The following TTN variants were observed in gnomAD, a reference collection of about 807,000 sequenced individuals.
TTN encodes connectin.
In TTN, 1,525 loss-of-function variants were observed where a neutral mutation model predicts 3,223.0. The ratio of observed to expected loss-of-function variants is 0.47; its 90% CI spans 0.45 to 0.49. The LOEUF is 0.49. TTN is among the 20% of genes least tolerant of loss of function. The pLI, the probability that TTN is intolerant of heterozygous loss-of-function variation, is 0.00. For synonymous variants in TTN, 14,094 were observed against 15,161.0 expected (o/e 0.93, Z 5.17); for missense variants, 40,786 against 43,424.0 (o/e 0.94, Z 5.40).
rs1428157842 is a variant in TTN, at chr2:178,576,764, C to G, written c.69480G>C (p.Trp23160Cys). The change falls in exon 325 of 363, where the codon TGG becomes TGC. Residue 23160 changes from tryptophan to cysteine, a missense_variant. Coordinates refer to ENST00000589042, the MANE Select transcript of TTN (RefSeq NM_001267550.2). This position sits in a 1 kb window ranked among gnomAD's most constrained non-coding sequence, Gnocchi z 4.3. ...NVTKNTATVS[W>C]KRPVDDGGSE... ...TGCCACCATCATCCACTGGCCTTTT[C>G]CAGCTGACAGTGGCAGTGTTCTTAG... The G allele has an allele frequency of 6.2e-7, 1 of 1,613,330 alleles. No individual in the cohort carries two copies. Among genetic ancestry groups the G allele is most frequent in the African/African-American group, 1.3e-5 (1 of 74,858 alleles).
chr2:178,603,914 C>T lies in TTN; in HGVS notation c.54773G>A (p.Ser18258Asn). 1 of 1,611,304 alleles carries T rather than the reference C, an allele frequency of 6.2e-7. No individual in the cohort carries two copies. The highest frequency in any genetic ancestry group is 8.5e-7 in the Non-Finnish European group (1 of 1,178,146). ...TGCAACCTCTGGATCTGATGGTTCACTGGGAGGACCAATTCCTGCAGCATT... is the reference window on the plus strand; with the variant it reads ...TGCAACCTCTGGATCTGATGGTTCATTGGGAGGACCAATTCCTGCAGCATT... ...AINAAGIGPP[S>N]EPSDPEVAGD... The change falls in exon 282 of 363, where the codon AGT becomes AAT. Residue 18258 changes from serine (S) to asparagine (N), a missense_variant. Coordinates refer to ENST00000589042, the MANE Select transcript of TTN (RefSeq NM_001267550.2).
chr2:178,706,789 G>T, intron 101 of TTN, 50 bp from the exon 102 acceptor site: 3 of 1,597,598 alleles, frequency 1.9e-6, no homozygotes, highest in Non-Finnish European at 2.6e-6. Flanking sequence ...TCTAAAATCA[G>T]TTCTTCCAAA....
At chr2:178,690,281 T>C (rs2072043129) in intron 121 of TTN, among the ~76,000 whole-genome samples, 1 of 152,228 alleles carries the variant, frequency 6.6e-6, no homozygotes, top group African/African-American at 2.4e-5. Context: ...TGGCTTTAGT[T>C]TATCTAAGAC....
intron 146 of TTN, 47 bp from the exon 147 acceptor site, chr2:178,677,334 T>TTATATATATATATA (rs1560296043): frequency 2.9e-6 from 1 of 341,566 alleles, no homozygotes; most frequent in Non-Finnish European, 3.6e-6. Flanking sequence ...ATATACATGG[T>TTATATATATATATA]CATATATATA....
chr2:178,571,501 A>G lies in TTN; in HGVS notation c.74631T>C (p.Cys24877=), dbSNP rs777382534. 3 of 1,613,308 alleles carry G rather than the reference A, an allele frequency of 1.9e-6. No individual in the cohort carries two copies. Among genetic ancestry groups the G allele is most frequent in the Non-Finnish European group, 8.5e-7 (1 of 1,179,580 alleles). The change falls in exon 326 of 363, where the codon TGT becomes TGC. Residue 24877 remains cysteine, a synonymous_variant. Transcript: ENST00000589042. ...CAGCTGCAATTCTAAACTGATATTC[A>G]CATCCAGTCTTCAGTCTGCAAGCCT... ...TIKACRLKTG[C]EYQFRIAAEN...
intron 1 of TTN, among the ~76,000 whole-genome samples, 181 bp downstream of exon 1, chr2:178,807,031 G>GA (rs1464070589): frequency 6.6e-6 from 1 of 152,054 alleles, no homozygotes; most frequent in Non-Finnish European, 1.5e-5. Flanking sequence ...ACTTTTTAAG[G>GA]AAAAATGTTC....
At chr2:178,806,224 T>C (rs899343459) in intron 1 of TTN, among the ~76,000 whole-genome samples, 2 of 152,220 alleles carry the variant, frequency 1.3e-5, no homozygotes, top group Non-Finnish European at 2.9e-5. Flanking sequence ...AACTCCTTTT[T>C]GTAGCATATT....
intron 32 of TTN, 37 bp downstream of exon 32, chr2:178,773,425 C>A: frequency 6.2e-7 from 1 of 1,613,888 alleles, no homozygotes. Context: ...AAGTAGAATG[C>A]TTAAAGTAAT....
intron 213 of TTN, 111 bp from the exon 214 acceptor site, chr2:178,647,575 A>G: frequency 9.8e-7 from 1 of 1,016,298 alleles, no homozygotes; most frequent in Middle Eastern, 2.2e-4. Flanking sequence ...TTTCATGGGG[A>G]AAATGGCTTC....
Position 178,715,572 on chromosome 2 carries a change from A to G in TTN, c.25842T>C (p.Val8614=). ...VAVLEMHNLS[V]EDSGDYTCEA... is the part of the protein sequence containing the mutation. ...CACAGGTGTAGTCTCCACTGTCTTC[A>G]ACACTGAGATTGTGCATTTCCAGCA... Residue 8614 remains valine (V), a synonymous_variant, in exon 89 of 363, where the codon GTT becomes GTC. Transcript: ENST00000589042. 1 of 1,613,554 alleles carries G rather than the reference A, an allele frequency of 6.2e-7. No individual in the cohort carries two copies. The highest frequency in any genetic ancestry group is 1.7e-5 in the Admixed American group (1 of 59,990).
rs199615557 is a variant in TTN, at chr2:178,608,347, G to C, written c.52536C>G (p.Asn17512Lys). ...TGTTGACACGAGACCAATGTGTACT[G>C]TTAACTTCACGTTTTTCAAGCCAGT... ...LGYWLEKREV[N>K]STHWSRVNKS... The change falls in exon 275 of 363, where the codon AAC becomes AAG. Residue 17512 changes from asparagine (N) to lysine (K), a missense_variant. By Grantham distance (94) the Asn-to-Lys change is moderately conservative. Coordinates refer to ENST00000589042, the MANE Select transcript of TTN (RefSeq NM_001267550.2). 840 of 1,612,176 alleles carry C rather than the reference G, an allele frequency of 5.2e-4. 1 individual carries two copies. Among genetic ancestry groups the C allele is most frequent in the Non-Finnish European group, 6.9e-4 (812 of 1,179,106 alleles).
At chr2:178,615,027 G>T in intron 259 of TTN, 59 bp from the exon 260 acceptor site, 1 of 1,434,160 alleles carries the variant, frequency 7.0e-7, no homozygotes, top group Non-Finnish European at 9.5e-7. Flanking sequence ...TCATTGTGTA[G>T]TACTCATAAT....
In TTN at chr2:178,636,050, C is replaced by A; in HGVS notation, c.41521G>T (p.Asp13841Tyr). 1 of 1,613,258 alleles carries A rather than the reference C, an allele frequency of 6.2e-7. No homozygotes were observed. The highest frequency in any genetic ancestry group is 8.5e-7 in the Non-Finnish European group (1 of 1,179,492). ...IGLMRALTIN[D>Y]ADDTDAGTYT... Reference sequence around the variant, plus strand: ...GTTCCAGCATCTGTGTCATCTGCATCGTTGATGGTCAGAGCCCGCATCAAG... The same window carrying A: ...GTTCCAGCATCTGTGTCATCTGCATAGTTGATGGTCAGAGCCCGCATCAAG... The change falls in exon 226 of 363, where the codon GAT (aspartate) becomes TAT (tyrosine). Residue 13841 changes from aspartate to tyrosine, a missense_variant. Coordinates refer to ENST00000589042, the MANE Select transcript of TTN (RefSeq NM_001267550.2). The surrounding 1 kb of genome is among the most constrained non-coding windows in gnomAD (Gnocchi z 4.3).
chr2:178,771,325 C>G lies in TTN; in HGVS notation c.8002G>C (p.Glu2668Gln), dbSNP rs766594353. The change falls in exon 34 of 363, where the codon GAG (glutamate) becomes CAG (glutamine). Residue 2668 changes from glutamate to glutamine, a missense_variant. Physicochemically the swap from Glu to Gln is conservative, Grantham distance 29. Transcript: ENST00000589042. ...AGTCTCCTTTTGTGGCCATCAGACT[C>G]ACTTCTGATGTTGTTAGTCAGTGGT... is the stretch of plus-strand genomic sequence containing the variant. The part of the protein sequence containing the change: ...HLPLTNNIRS[E>Q]SDGHKRRLII... 1.9e-6 allele frequency: 3 copies of G among 1,614,106 alleles called. No individual in the cohort carries two copies. The highest frequency in any genetic ancestry group is 1.1e-5 in the South Asian group (1 of 91,090).
chr2:178,591,906 A>G lies in TTN; in HGVS notation c.59927-14T>C, dbSNP rs761777534. The G allele has an allele frequency of 6.2e-7, 1 of 1,605,510 alleles. No individual in the cohort carries two copies. Among genetic ancestry groups the G allele is most frequent in the Non-Finnish European group, 8.5e-7 (1 of 1,177,630 alleles). On this transcript the variant is annotated splice_polypyrimidine_tract_variant and intron_variant, in intron 302 of 362. Coordinates refer to ENST00000589042, the MANE Select transcript of TTN (RefSeq NM_001267550.2). ...GCCCTGGGGGATCTTTTCAAAGAAGAAGTTATGATGAAAAAGTAATATTCT... is the reference window on the plus strand; with the variant it reads ...GCCCTGGGGGATCTTTTCAAAGAAGGAGTTATGATGAAAAAGTAATATTCT...
rs999328804 is a variant in TTN at position 178,732,335 on chromosome 2, A to G, written c.16634T>C (p.Phe5545Ser). The stretch of plus-strand genomic sequence containing the variant: ...CTGTGATGGCTCTAACTTTTCAACA[A>G]ATGTGGCAGGTTCTGTGGAAGGAAG... The part of the protein sequence containing the change: ...ANLFVKEPAT[F>S]VEKLEPSQLL... Residue 5545 changes from phenylalanine (F) to serine (S), a missense_variant, in exon 57 of 363, where the codon TTT (phenylalanine) becomes TCT (serine). Physicochemically the swap from Phe to Ser is radical, Grantham distance 155. Transcript: ENST00000589042. 3 of 1,600,146 alleles carry G rather than the reference A, an allele frequency of 1.9e-6. No individual in the cohort carries two copies. The highest frequency in any genetic ancestry group is 2.7e-5 in the African/African-American group (2 of 74,384).
rs1330673944 is a variant in TTN at position 178,719,612 on chromosome 2, G to A, written c.23880C>T (p.Ser7960=). Residue 7960 remains serine, a synonymous_variant, in exon 82 of 363, where the codon AGC becomes AGT. Coordinates refer to ENST00000589042, the MANE Select transcript of TTN (RefSeq NM_001267550.2). ...CAEMSDKGLY[S]FEVKNSVGKS... is the part of the protein sequence containing the mutation. Reference sequence around the variant, plus strand: ...TGCCAACACTGTTTTTCACTTCAAAGCTATATAATCCTTTGTCACTCATTT... The same window carrying A: ...TGCCAACACTGTTTTTCACTTCAAAACTATATAATCCTTTGTCACTCATTT... 12 of 1,613,282 alleles carry A rather than the reference G, an allele frequency of 7.4e-6. No homozygotes were observed. The highest frequency in any genetic ancestry group is 1.0e-5 in the Non-Finnish European group (12 of 1,179,488).
intron 350 of TTN, 82 bp from the exon 351 acceptor site, chr2:178,540,452 T>C (rs1171349092): frequency 4.3e-6 from 5 of 1,170,418 alleles, no homozygotes; most frequent in African/African-American, 1.5e-5. Context: ...ATTCAATGAG[T>C]TGTTGAAACG....
chr2:178,549,065 A>G lies in TTN; in HGVS notation c.92561T>C (p.Ile30854Thr), dbSNP rs368427408. The part of the protein sequence containing the change: ...KPVFDGGMEI[I>T]GYIIEMCKAD... The stretch of plus-strand genomic sequence containing the variant: ...CTTACACATTTCAATAATATACCCA[A>G]TTATTTCCATGCCACCATCAAACAC... The change falls in exon 339 of 363, where the codon ATT (isoleucine) becomes ACT (threonine). Residue 30854 changes from isoleucine to threonine, a missense_variant. Physicochemically the swap from Ile to Thr is moderately conservative, Grantham distance 89. Transcript: ENST00000589042. The G allele has an allele frequency of 2.2e-5, 35 of 1,613,710 alleles. No homozygotes were observed. Among genetic ancestry groups the G allele is most frequent in the South Asian group, 1.5e-4 (14 of 91,078 alleles).
Sources: allele counts gnomAD v4.1 joint callset (sites outside exome capture counted in the v4.1 genomes callset), GRCh38; gene constraint gnomAD v4.1.1; non-coding constraint Gnocchi (gnomAD v3.1); transcripts MANE v1.5; gene names NCBI Gene and HGNC (gene_info 2026-07-23, HGNC 2026-07-21).